FGF9: variants seen among roughly 807,000 people sequenced by gnomAD.
FGF9 encodes the protein fibroblast growth factor 9 (glia-activating factor).
FGF9 carries 3 observed loss-of-function variants against 19.9 expected under a neutral mutation model. That is an observed-to-expected ratio of 0.15 (90% CI 0.07 to 0.39). FGF9 has a LOEUF of 0.39. Ranked by LOEUF, FGF9 falls within the 10% of genes least tolerant of loss-of-function variation. The pLI is 1.00. For missense variants in FGF9, 175 were observed against 256.8 expected, an observed-to-expected ratio of 0.68 and a Z score of 2.18; for synonymous variants, 107 against 106.9, an observed-to-expected ratio of 1.00 and a Z score of -0.01.
At chr13:21,698,649 C>T (rs1381872739) in intron 2 of FGF9, among the ~76,000 whole-genome samples, 1 of 152,046 alleles carries the variant, frequency 6.6e-6, no homozygotes, top group African/African-American at 2.4e-5. Flanking sequence ...GTTTCTGATC[C>T]AAGAAAAACC....
intron 1 of FGF9, among the ~76,000 whole-genome samples, chr13:21,676,304 T>C (rs1468458895): frequency 1.3e-5 from 2 of 152,110 alleles, no homozygotes; most frequent in Non-Finnish European, 2.9e-5. Context: ...CCATTCAAAT[T>C]GGGTCAGGTG....
intron 2 of FGF9, among the ~76,000 whole-genome samples, chr13:21,699,993 C>T (rs17840920): frequency 0.024 from 3,670 of 149,870 alleles, 71 homozygotes; most frequent in South Asian, 0.053. Context: ...TTGCCTGGGG[C>T]GTGTTCACAG....
intron 2 of FGF9, among the ~76,000 whole-genome samples, chr13:21,690,541 G>A (rs1329393722): frequency 6.6e-6 from 1 of 152,196 alleles, no homozygotes; most frequent in East Asian, 1.9e-4. Flanking sequence ...AATAATGCAT[G>A]CTGGGTGCTT....
chr13:21,689,515 A>G (rs1023915875), intron 2 of FGF9, among the ~76,000 whole-genome samples: 3 of 151,904 alleles, frequency 2.0e-5, no homozygotes, highest in Non-Finnish European at 4.4e-5. Context: ...ATTCTTGAAT[A>G]GGTATTTGAG....
At chr13:21,692,585 C>T (rs537276551) in intron 2 of FGF9, among the ~76,000 whole-genome samples, 6 of 152,314 alleles carry the variant, frequency 3.9e-5, no homozygotes, top group African/African-American at 1.4e-4. Context: ...TAACGATAGA[C>T]ACTTCATAGC....
chr13:21,689,012 C>G (rs1452708392), intron 2 of FGF9, among the ~76,000 whole-genome samples: 1 of 152,172 alleles, frequency 6.6e-6, no homozygotes, highest in Non-Finnish European at 1.5e-5. Flanking sequence ...ATTAGTTGCT[C>G]AGCAGAGACA....
Position 21,701,707 on chromosome 13 carries a change from GTA to G in FGF9, c.*274_*275del, listed in dbSNP as rs886050049. 6.7e-3 allele frequency: 2,858 copies of G among 424,790 alleles called. 17 individuals are homozygous for G. The highest frequency in any genetic ancestry group is 0.015 in the South Asian group (695 of 45,936). The allele number at this position is 424,790 out of a possible 1,614,324, so 26.3% of individuals were successfully genotyped here. On this transcript the variant is annotated 3_prime_UTR_variant, in exon 3 of 3. Coordinates refer to ENST00000382353, the MANE Select transcript of FGF9 (RefSeq NM_002010.3). ...GAGAGACTGAGCGCTAGGAGTGTGT[GTA>G]TGTGTGTGTGTGTGTGTGTGTGTGT...
At chr13:21,697,599 G>T (rs1872437853) in intron 2 of FGF9, among the ~76,000 whole-genome samples, 1 of 151,996 alleles carries the variant, frequency 6.6e-6, no homozygotes, top group South Asian at 2.1e-4. Flanking sequence ...TTTTTTAAAA[G>T]GGGGGTTTTC....
Position 21,703,024 on chromosome 13 carries a change from T to G in FGF9, c.*1589T>G, listed in dbSNP as rs936788113. 1 of 152,238 alleles carries G rather than the reference T, an allele frequency of 6.6e-6. No homozygotes were observed. Among genetic ancestry groups the G allele is most frequent in the African/African-American group, 2.4e-5 (1 of 41,468 alleles). The allele number at this position is 152,238 out of a possible 1,614,324, so 9.4% of individuals were successfully genotyped here. ...TCTTTAGTAGCAATAATTTTGGAAC[T>G]TGCCCTTGGGCAAGCGAGACTATTT... is the stretch of plus-strand genomic sequence containing the variant. On this transcript the variant is annotated 3_prime_UTR_variant, in exon 3 of 3. Transcript: ENST00000382353.
intron 2 of FGF9, among the ~76,000 whole-genome samples, chr13:21,686,696 A>G (rs829220): frequency 0.32 from 48,579 of 152,162 alleles, 8,854 homozygotes; most frequent in East Asian, 0.45. Flanking sequence ...TTTCTTGAAG[A>G]CCAGGCAGGG....
At chr13:21,699,539 C>T (rs180806083) in intron 2 of FGF9, among the ~76,000 whole-genome samples, 17 of 152,298 alleles carry the variant, frequency 1.1e-4, no homozygotes, top group African/African-American at 3.4e-4. Context: ...AAGGTGGCCT[C>T]ATGATGGGCT....
chr13:21,686,065 G>C (rs1872148896), intron 2 of FGF9, among the ~76,000 whole-genome samples: 1 of 152,174 alleles, frequency 6.6e-6, no homozygotes, highest in Admixed American at 6.5e-5. Flanking sequence ...AATACTTAAA[G>C]AAGTTTTTTG....
At chr13:21,674,934 CT>C (rs1367079027) in intron 1 of FGF9, among the ~76,000 whole-genome samples, 2 of 150,560 alleles carry the variant, frequency 1.3e-5, no homozygotes, top group Admixed American at 6.6e-5. Flanking sequence ...CCCCTCACCC[CT>C]AGAGGTCAGA....
chr13:21,696,591 A>G (rs2138146357), intron 2 of FGF9, among the ~76,000 whole-genome samples: 1 of 152,332 alleles, frequency 6.6e-6, no homozygotes, highest in Non-Finnish European at 1.5e-5. Flanking sequence ...TCTAGAGTGT[A>G]TAGTTTATTT....
Position 21,701,703 on chromosome 13 carries a change from GTGTGTA to G in FGF9, c.*274_*279del, listed in dbSNP as rs886050047. On this transcript the variant is annotated 3_prime_UTR_variant, in exon 3 of 3. Transcript: ENST00000382353. ...GAGAGAGAGACTGAGCGCTAGGAGT[GTGTGTA>G]TGTGTGTGTGTGTGTGTGTGTGTGT... The G allele has an allele frequency of 2.1e-3, 908 of 441,742 alleles. No individual in the cohort carries two copies. The highest frequency in any genetic ancestry group is 2.8e-3 in the Non-Finnish European group (690 of 242,856). 27.4% of individuals were successfully genotyped at this position (441,742 alleles called of 1,614,324 possible). A position where few individuals can be genotyped will look rare whatever the true frequency, so the allele number is the denominator to read the frequency against.
At chr13:21,689,667 C>T (rs1259340983) in intron 2 of FGF9, among the ~76,000 whole-genome samples, 1 of 152,188 alleles carries the variant, frequency 6.6e-6, no homozygotes, top group African/African-American at 2.4e-5. Context: ...ATTATGACAG[C>T]AATTCCTCTG....
At chr13:21,677,972 C>CAGCT (rs1217859382) in intron 1 of FGF9, among the ~76,000 whole-genome samples, 1 of 152,226 alleles carries the variant, frequency 6.6e-6, no homozygotes, top group Non-Finnish European at 1.5e-5. Flanking sequence ...ATACCCTGAA[C>CAGCT]AGCTCCCTCT....
rs1161157341 is a variant in FGF9 at position 21,704,086 on chromosome 13, A to G, written c.*2651A>G. ...AGTCATCCCCAGCTCATGGGTTTGCATCCAGTTCTTGTCTTAAGAGACCCA... is the reference window on the plus strand; with the variant it reads ...AGTCATCCCCAGCTCATGGGTTTGCGTCCAGTTCTTGTCTTAAGAGACCCA... On this transcript the variant is annotated 3_prime_UTR_variant, in exon 3 of 3. Transcript: ENST00000382353. 1 of 152,142 alleles carries G rather than the reference A, an allele frequency of 6.6e-6. No homozygotes were observed. The highest frequency in any genetic ancestry group is 2.4e-5 in the African/African-American group (1 of 41,404). The allele number at this position is 152,142 out of a possible 1,614,324, so 9.4% of individuals were successfully genotyped here.
Position 21,702,008 on chromosome 13 carries a change from T to A in FGF9, c.*573T>A, listed in dbSNP as rs1355981867. 6.6e-6 allele frequency: 1 copy of A among 151,308 alleles called. No homozygotes were observed. Among genetic ancestry groups the A allele is most frequent in the South Asian group, 2.1e-4 (1 of 4,820 alleles). 9.4% of individuals were successfully genotyped at this position (151,308 alleles called of 1,614,324 possible). On this transcript the variant is annotated 3_prime_UTR_variant, in exon 3 of 3. Coordinates refer to ENST00000382353, the MANE Select transcript of FGF9 (RefSeq NM_002010.3). The stretch of plus-strand genomic sequence containing the variant: ...GTAAAAAATAAAAAAAAATAAAAAA[T>A]AAAAATAAAAAAAGTTAAATTTATT...
Sources: gnomAD v4.1 joint callset for allele counts (sites outside exome capture counted in the v4.1 genomes callset) on GRCh38, gnomAD v4.1.1 for gene constraint, MANE v1.5 for transcripts, NCBI Gene and HGNC (gene_info 2026-07-23, HGNC 2026-07-21) for gene names.